The following TMC1 variants were observed in gnomAD, a reference collection of about 807,000 sequenced individuals.
TMC1 encodes the protein transmembrane channel like 1, also known as transmembrane channel-like protein 1.
A neutral mutation model predicts 105.8 loss-of-function variants in TMC1; 84 were observed. The observed-to-expected ratio is 0.79, with a 90% CI of 0.67 to 0.95. The LOEUF is 0.95. TMC1 is among the 40% of genes least tolerant of loss of function. The probability of loss-of-function intolerance (pLI) is 0.00; values close to 1 mark genes in which losing one functional copy is unlikely to be tolerated. For missense variants in TMC1, 817 were observed against 914.1 expected, an observed-to-expected ratio of 0.89 and a Z score of 1.37; for synonymous variants, 315 against 311.5, an observed-to-expected ratio of 1.01 and a Z score of -0.12.
intron 1 of TMC1, among the ~76,000 whole-genome samples, chr9:72,543,398 T>A (rs777002127): frequency 9.2e-5 from 14 of 152,196 alleles, no homozygotes; most frequent in Non-Finnish European, 1.2e-4. Context: ...CCTTATAGAT[T>A]ATTGGAATAA....
At chr9:72,706,076 ATTTTG>A (rs1826732549) in intron 8 of TMC1, among the ~76,000 whole-genome samples, 1 of 151,826 alleles carries the variant, frequency 6.6e-6, no homozygotes, top group South Asian at 2.1e-4. Context: ...TTTGTTTTTT[ATTTTG>A]TTTTATTTTT....
At chr9:72,713,296 G>C (rs1826865671) in intron 8 of TMC1, among the ~76,000 whole-genome samples, 1 of 152,162 alleles carries the variant, frequency 6.6e-6, no homozygotes, top group South Asian at 2.1e-4. Flanking sequence ...CATAAAATAA[G>C]TTAAGGAGGA....
chr9:72,738,593 T>C (rs1479228344), intron 8 of TMC1, among the ~76,000 whole-genome samples: 6 of 152,046 alleles, frequency 3.9e-5, no homozygotes, highest in Admixed American at 6.5e-5. Flanking sequence ...GATTTTTGTA[T>C]TTTTAGTAGA....
intron 5 of TMC1, among the ~76,000 whole-genome samples, chr9:72,661,678 T>G (rs1825971678): frequency 6.7e-6 from 1 of 149,472 alleles, no homozygotes; most frequent in Non-Finnish European, 1.5e-5. Context: ...TACTGACCAC[T>G]TTTTTCTAGA....
intron 2 of TMC1, among the ~76,000 whole-genome samples, chr9:72,614,714 T>C (rs1184152670): frequency 1.3e-5 from 2 of 152,210 alleles, no homozygotes; most frequent in Non-Finnish European, 2.9e-5. Context: ...AGAGTCTTGC[T>C]CTGTTGCCCA....
chr9:72,652,280 T>C (rs1825825846), intron 5 of TMC1, among the ~76,000 whole-genome samples: 1 of 152,232 alleles, frequency 6.6e-6, no homozygotes, highest in African/African-American at 2.4e-5. Context: ...GCTTGATTAT[T>C]TGCAAGATAT....
intron 1 of TMC1, among the ~76,000 whole-genome samples, chr9:72,558,957 T>G: frequency 6.6e-6 from 1 of 152,198 alleles, no homozygotes; most frequent in Admixed American, 6.5e-5. Flanking sequence ...CATACTTTTC[T>G]TTCCAAATAG....
At chr9:72,806,247 ATGG>A (rs1828579259) in intron 18 of TMC1, among the ~76,000 whole-genome samples, 1 of 127,312 alleles carries the variant, frequency 7.9e-6, no homozygotes, top group East Asian at 2.4e-4. Flanking sequence ...TCCCTCCCGG[ATGG>A]GGCGGCTGGC....
intron 9 of TMC1, chr9:72,741,276 C>G: frequency 4.4e-6 from 1 of 228,330 alleles, no homozygotes. Flanking sequence ...ATGAAGTTGA[C>G]TAATTTTGCC....
intron 23 of TMC1, among the ~76,000 whole-genome samples, chr9:72,832,215 G>A (rs2118337234): frequency 6.6e-6 from 1 of 152,206 alleles, no homozygotes; most frequent in South Asian, 2.1e-4. Flanking sequence ...GCCTCCCAAA[G>A]TGTTGGGATT....
chr9:72,791,901 T>A lies in TMC1; in HGVS notation c.1240T>A (p.Ser414Thr). 1 of 1,612,612 alleles carries A rather than the reference T, an allele frequency of 6.2e-7. No homozygotes were observed. The highest frequency in any genetic ancestry group is 8.5e-7 in the Non-Finnish European group (1 of 1,179,752). ...WEKNEMNMVMSLLGMFCPTLF... is the reference protein window; with the variant it reads ...WEKNEMNMVMTLLGMFCPTLF... ...CTCCTTGTAGATGAACATGGTTATG[T>A]CCCTCCTAGGGATGTTCTGTCCAAC... Residue 414 changes from serine (S) to threonine (T), a missense_variant, in exon 16 of 24, where the codon TCC (serine) becomes ACC (threonine). Coordinates refer to ENST00000297784, the MANE Select transcript of TMC1 (RefSeq NM_138691.3).
intron 4 of TMC1, among the ~76,000 whole-genome samples, chr9:72,642,338 T>C (rs1334247870): frequency 2.0e-5 from 3 of 152,218 alleles, no homozygotes; most frequent in Non-Finnish European, 2.9e-5. Context: ...CATCACACAC[T>C]TCCTGTTTCA....
intron 1 of TMC1, among the ~76,000 whole-genome samples, chr9:72,535,419 T>C (rs1823565954): frequency 6.6e-6 from 1 of 152,208 alleles, no homozygotes; most frequent in Non-Finnish European, 1.5e-5. Context: ...GCATTTAAAT[T>C]TAGCTGCATA....
rs947354634 is a variant in TMC1 at position 72,693,986 on chromosome 9, T to C, written c.65-557T>C. 2.0e-5 allele frequency among the ~76,000 whole-genome samples: 3 copies of C among 151,716 alleles called. No individual in the cohort carries two copies. The East Asian group carries it at 5.8e-4, about 29-fold the overall frequency. On this transcript the variant is annotated intron_variant, in intron 6 of 23. Transcript: ENST00000297784. ...TTTTTTAAAGAAAAGAACAAAAATATTGAGGAAAAAGGAGAAAAATATTTA... is the reference window on the plus strand; with the variant it reads ...TTTTTTAAAGAAAAGAACAAAAATACTGAGGAAAAAGGAGAAAAATATTTA...
intron 20 of TMC1, among the ~76,000 whole-genome samples, chr9:72,825,703 C>T (rs1828940419): frequency 6.6e-6 from 1 of 152,132 alleles, no homozygotes; most frequent in Admixed American, 6.5e-5. Flanking sequence ...TTCCATCTGG[C>T]TGGGGCTGCA....
chr9:72,778,834 C>G (rs889776862), intron 13 of TMC1, among the ~76,000 whole-genome samples: 3 of 152,176 alleles, frequency 2.0e-5, no homozygotes, highest in Non-Finnish European at 4.4e-5. Flanking sequence ...AGGCCATCAT[C>G]ATAGCTTCTT....
At chr9:72,775,017 A>G (rs1170729150) in intron 13 of TMC1, among the ~76,000 whole-genome samples, 1 of 152,204 alleles carries the variant, frequency 6.6e-6, no homozygotes, top group Non-Finnish European at 1.5e-5. Context: ...ATGGGAGCAA[A>G]TATCTATTTT....
chr9:72,818,132 G>A (rs987380096), intron 19 of TMC1, among the ~76,000 whole-genome samples: 9 of 152,030 alleles, frequency 5.9e-5, no homozygotes, highest in Non-Finnish European at 1.2e-4. Context: ...ACACACAATC[G>A]TTCCATTATT....
intron 10 of TMC1, among the ~76,000 whole-genome samples, chr9:72,748,305 T>C (rs1827526411): frequency 6.6e-6 from 1 of 152,164 alleles, no homozygotes; most frequent in Admixed American, 6.5e-5. Context: ...ATTAAATAAG[T>C]TAATACATAT....
Sources: gnomAD v4.1 joint callset for allele counts (sites outside exome capture counted in the v4.1 genomes callset) on GRCh38, gnomAD v4.1.1 for gene constraint, MANE v1.5 for transcripts, NCBI Gene and HGNC (gene_info 2026-07-23, HGNC 2026-07-21) for gene names.